Variants in PTPN2 observed in about 807,000 individuals in gnomAD.
The protein encoded by PTPN2 is protein tyrosine phosphatase non-receptor type 2, also known as tyrosine-protein phosphatase non-receptor type 2.
A neutral mutation model predicts 57.3 loss-of-function variants in PTPN2; 19 were observed. That is an observed-to-expected ratio of 0.33 (90% CI 0.23 to 0.49). PTPN2 has a LOEUF of 0.49. Ranked by LOEUF, PTPN2 falls within the 20% of genes least tolerant of loss-of-function variation. PTPN2 has a pLI of 0.99. For missense variants in PTPN2, 358 were observed against 501.1 expected (o/e 0.71, Z 2.73); for synonymous variants, 153 against 164.9 (o/e 0.93, Z 0.55).
In PTPN2 at chr18:12,794,375, T is replaced by C. The variant is rs566280122; in HGVS notation, c.1151A>G (p.Tyr384Cys). 4 of 1,614,200 alleles carry C rather than the reference T, an allele frequency of 2.5e-6. No homozygotes were observed. In the African/African-American group the frequency reaches 5.3e-5, roughly 22 times the overall value. The part of the protein sequence containing the change: ...ENERKRKRWL[Y>C]WQPILTKMGF... ...CATCTTAGTGAGAATAGGTTGCCAA[T>C]ATAACCACCTTTTTCTTTTTCGTTC... Residue 384 changes from tyrosine to cysteine, a missense_variant, in exon 9 of 9, where the codon TAT (tyrosine) becomes TGT (cysteine). Tyr to Cys is a radical substitution (Grantham distance 194). Transcript: ENST00000309660.
At chr18:12,869,462 T>C (rs558715972) in intron 1 of PTPN2, among the ~76,000 whole-genome samples, 3 of 152,374 alleles carry the variant, frequency 2.0e-5, no homozygotes, top group Non-Finnish European at 4.4e-5. Context: ...CGCCTGGTTT[T>C]GAAGTTTTTA....
chr18:12,799,824 T>A (rs2041343707), intron 8 of PTPN2, among the ~76,000 whole-genome samples: 1 of 152,024 alleles, frequency 6.6e-6, no homozygotes, highest in African/African-American at 2.4e-5. Context: ...AGAGACGGGG[T>A]TTCACCATGT....
chr18:12,840,530 C>T (rs1009883220), intron 2 of PTPN2, among the ~76,000 whole-genome samples: 1 of 152,294 alleles, frequency 6.6e-6, no homozygotes, highest in Non-Finnish European at 1.5e-5. Context: ...TTGGTGCCTA[C>T]GACATGTCAG....
chr18:12,809,365 T>G (rs750834737), intron 7 of PTPN2, among the ~76,000 whole-genome samples: 1 of 152,214 alleles, frequency 6.6e-6, no homozygotes, highest in Non-Finnish European at 1.5e-5. Flanking sequence ...AGAGTGTATC[T>G]GGGCCCCTGC....
At chr18:12,794,527 G>GC (rs1322531660) in intron 8 of PTPN2, 42 bp from the exon 9 acceptor site, 1 of 1,602,664 alleles carries the variant, frequency 6.2e-7, no homozygotes, top group Admixed American at 1.7e-5. Flanking sequence ...TGCACACAGA[G>GC]CAGGACTTGA....
intron 5 of PTPN2, among the ~76,000 whole-genome samples, chr18:12,823,003 A>C (rs1292285724): frequency 6.6e-6 from 1 of 152,178 alleles, no homozygotes; most frequent in African/African-American, 2.4e-5. Context: ...GACCCAAGTC[A>C]CTCAGCAAGA....
intron 5 of PTPN2, among the ~76,000 whole-genome samples, chr18:12,824,668 G>A (rs1271565225): frequency 6.6e-6 from 1 of 152,158 alleles, no homozygotes; most frequent in Non-Finnish European, 1.5e-5. Context: ...GGGCAAAAGA[G>A]GTAAATGGCG....
intron 5 of PTPN2, among the ~76,000 whole-genome samples, chr18:12,818,673 A>G (rs1455566842): frequency 6.7e-6 from 1 of 149,368 alleles, no homozygotes; most frequent in Non-Finnish European, 1.5e-5. Flanking sequence ...TTTTTTTTTG[A>G]GGGAGGAGGC....
rs71363152 is a variant in PTPN2, at chr18:12,870,426, C to T, written c.70-11172G>A. 2.7e-4 allele frequency among the ~76,000 whole-genome samples: 6 copies of T among 22,044 alleles called. 1 individual carries two copies. The highest frequency in any genetic ancestry group is 2.5e-3 in the African/African-American group (4 of 1,580). The allele number at this position is 22,044 out of a possible 152,430, so 14.5% of individuals were successfully genotyped here. ...ACACGTATATATATGTATATATATA[C>T]GTATATATATATGTGTATATATATA... On this transcript the variant is annotated intron_variant, in intron 1 of 8. Transcript: ENST00000309660.
At chr18:12,794,822 C>T (rs144323349) in intron 8 of PTPN2, among the ~76,000 whole-genome samples, 1 of 152,100 alleles carries the variant, frequency 6.6e-6, no homozygotes, top group African/African-American at 2.4e-5. Flanking sequence ...AGGGTTTTGC[C>T]ATGTTGGCCA....
intron 1 of PTPN2, chr18:12,869,004 G>C (rs1383607732): frequency 6.6e-6 from 1 of 152,110 alleles, no homozygotes. Flanking sequence ...ACAAAAACTA[G>C]CTGGGCATAG....
Position 12,884,177 on chromosome 18 carries a change from G to A in PTPN2, c.-36C>T, listed in dbSNP as rs1291334357. 2 of 1,544,864 alleles carry A rather than the reference G, an allele frequency of 1.3e-6. No individual in the cohort carries two copies. The highest frequency in any genetic ancestry group is 1.8e-4 in the Middle Eastern group (1 of 5,564). On this transcript the variant is annotated 5_prime_UTR_variant, in exon 1 of 9. Coordinates refer to ENST00000309660, the MANE Select transcript of PTPN2 (RefSeq NM_002828.4). ...GCGAGCTGGCGCGAGCAGAGCCTGC[G>A]CCGGCGGAGAGGCTCAGGCCCCGCA...
rs1409953623 is a variant in PTPN2, at chr18:12,814,184, A to C, written c.858+19T>G. 5 of 1,526,544 alleles carry C rather than the reference A, an allele frequency of 3.3e-6. No individual in the cohort carries two copies. Among genetic ancestry groups the C allele is most frequent in the Non-Finnish European group, 4.5e-6 (5 of 1,113,718 alleles). The allele number at this position is 1,526,544 out of a possible 1,614,324, so 94.6% of individuals were successfully genotyped here. ...GTATTTAACAAATAGATATGATTTA[A>C]AACCTGTATGAAGTTTACCTGTATA... On this transcript the variant is annotated intron_variant, in intron 7 of 8. Coordinates refer to ENST00000309660, the MANE Select transcript of PTPN2 (RefSeq NM_002828.4).
At chr18:12,786,724 C>A (rs1017725328) in intron 9 of PTPN2, 1 of 152,184 alleles carries the variant, frequency 6.6e-6, no homozygotes, top group Non-Finnish European at 1.5e-5. Context: ...AAATCATATC[C>A]ACACATTTAG....
At chr18:12,870,454 T>G (rs1396186505) in intron 1 of PTPN2, among the ~76,000 whole-genome samples, 1,190 of 43,958 alleles carry the variant, frequency 0.027, 44 homozygotes, top group Non-Finnish European at 0.034. Context: ...TATATATATA[T>G]ATATATATAG....
intron 1 of PTPN2, among the ~76,000 whole-genome samples, chr18:12,879,540 T>G (rs1252545843): frequency 6.6e-6 from 1 of 152,232 alleles, no homozygotes; most frequent in Non-Finnish European, 1.5e-5. Flanking sequence ...GCACTGGCAG[T>G]GCCTTCATGA....
chr18:12,826,338 G>A (rs752330744), intron 4 of PTPN2, among the ~76,000 whole-genome samples: 41 of 152,152 alleles, frequency 2.7e-4, no homozygotes, highest in African/African-American at 9.2e-4. Flanking sequence ...AGGAGGTGGA[G>A]GTTGCAGTGA....
chr18:12,813,625 A>G (rs533377488), intron 7 of PTPN2, among the ~76,000 whole-genome samples: 1 of 152,322 alleles, frequency 6.6e-6, no homozygotes, highest in East Asian at 1.9e-4. Context: ...CTTATGTCCA[A>G]TACTATGTGA....
Position 12,835,382 on chromosome 18 carries a change from C to CTTTTTTTTTTTTTTTTTTTTTTTTT in PTPN2, c.261+1408_261+1409insAAAAAAAAAAAAAAAAAAAAAAAAA, listed in dbSNP as rs60239177. On this transcript the variant is annotated intron_variant, in intron 3 of 8. Transcript: ENST00000309660. Reference sequence around the variant, plus strand: ...CTGCAATGAACATGATCACATATGTCTTTTTTTTTTTTTTGGACAGTTTTG... The same window carrying CTTTTTTTTTTTTTTTTTTTTTTTTT: ...CTGCAATGAACATGATCACATATGTCTTTTTTTTTTTTTTTTTTTTTTTTTTTTTTTTTTTTTTTGGACAGTTTTG... Among the ~76,000 whole-genome samples, 25 of 99,012 alleles carry CTTTTTTTTTTTTTTTTTTTTTTTTT rather than the reference C, an allele frequency of 2.5e-4. 3 individuals are homozygous for CTTTTTTTTTTTTTTTTTTTTTTTTT. Among genetic ancestry groups the CTTTTTTTTTTTTTTTTTTTTTTTTT allele is most frequent in the African/African-American group, 6.3e-4 (15 of 23,908 alleles). The allele number at this position is 99,012 out of a possible 152,430, so 65.0% of individuals were successfully genotyped here.
Sources: gnomAD v4.1 joint callset for allele counts (sites outside exome capture counted in the v4.1 genomes callset) on GRCh38, gnomAD v4.1.1 for gene constraint, MANE v1.5 for transcripts, NCBI Gene and HGNC (gene_info 2026-07-23, HGNC 2026-07-21) for gene names.